PRDM16: variants seen among roughly 807,000 people sequenced by gnomAD.
PRDM16 encodes the protein PR/SET domain 16, also known as histone-lysine N-methyltransferase PRDM16.
Under a neutral mutation model 110.6 loss-of-function variants are expected in PRDM16, and 23 were observed. The observed-to-expected ratio is 0.21, with a 90% CI of 0.15 to 0.29. The LOEUF is 0.29. Ranked by LOEUF, PRDM16 falls within the 10% of genes least tolerant of loss-of-function variation. The pLI is 1.00. For synonymous variants in PRDM16, 799 were observed against 781.8 expected, an observed-to-expected ratio of 1.02 and a Z score of -0.37; for missense variants, 1,615 against 1,794.3, an observed-to-expected ratio of 0.90 and a Z score of 1.81.
rs34858929 is a variant in PRDM16, at chr1:3,157,422, T to TAAAAAAA, written c.38-28689_38-28683dup. The stretch of plus-strand genomic sequence containing the variant: ...GCTCCCAGGCCTTTTGCGATCCCAT[T>TAAAAAAA]AAAAAAAAAAAAAAAAAAAACACCT... On this transcript the variant is annotated intron_variant, in intron 1 of 16. Transcript: ENST00000270722. This position sits in a 1 kb window ranked among gnomAD's most constrained non-coding sequence, Gnocchi z 4.8. 1.6e-4 allele frequency among the ~76,000 whole-genome samples: 19 copies of TAAAAAAA among 122,144 alleles called. No individual in the cohort carries two copies. The highest frequency in any genetic ancestry group is 2.2e-4 in the African/African-American group (7 of 31,484). 80.1% of individuals were successfully genotyped at this position (122,144 alleles called of 152,430 possible). A position where few individuals can be genotyped will look rare whatever the true frequency, so the allele number is the denominator to read the frequency against.
At position 3,386,142 on chromosome 1, in the gene PRDM16, TCGGGGTGCC is replaced by T. The variant is rs150469329; in HGVS notation, c.573+872_573+880del. 8.2e-3 allele frequency among the ~76,000 whole-genome samples: 1,248 copies of T among 151,486 alleles called. 13 individuals carry two copies. The highest frequency in any genetic ancestry group is 0.028 in the African/African-American group (1,164 of 41,416). Reference sequence around the variant, plus strand: ...CTGCATCCTGAACACCGTGCGTTCCTCGGGGTGCCCGGGGTGCCCGGGGTCCCCGGCCCC... The same window carrying T: ...CTGCATCCTGAACACCGTGCGTTCCTCGGGGTGCCCGGGGTCCCCGGCCCC... On this transcript the variant is annotated intron_variant, in intron 4 of 16. Coordinates refer to ENST00000270722, the MANE Select transcript of PRDM16 (RefSeq NM_022114.4).
chr1:3,312,298 T>C (rs1445286939), intron 3 of PRDM16, among the ~76,000 whole-genome samples: 2 of 152,192 alleles, frequency 1.3e-5, no homozygotes, highest in African/African-American at 4.8e-5. Flanking sequence ...AGCCCAGCAC[T>C]CAGCGGCCTG....
chr1:3,405,727 C>T, intron 8 of PRDM16, 79 bp downstream of exon 8: 1 of 1,411,494 alleles, frequency 7.1e-7, no homozygotes, highest in South Asian at 1.5e-5. Flanking sequence ...GGGCCATCCC[C>T]CAAGGTCTCC....
intron 11 of PRDM16, among the ~76,000 whole-genome samples, chr1:3,418,407 C>T (rs1297293702): frequency 8.5e-5 from 13 of 152,198 alleles, no homozygotes; most frequent in Non-Finnish European, 4.4e-5. Flanking sequence ...GGAGCCTGCC[C>T]TGTTCACCGC....
intron 2 of PRDM16, among the ~76,000 whole-genome samples, chr1:3,233,585 G>A (rs1639468830): frequency 2.0e-5 from 3 of 152,208 alleles, no homozygotes; most frequent in Admixed American, 2.0e-4. Flanking sequence ...TGTGAGTGCG[G>A]CCAGCCTGGC....
At chr1:3,156,956 G>A (rs951121583) in intron 1 of PRDM16, among the ~76,000 whole-genome samples, 15 of 152,228 alleles carry the variant, frequency 9.9e-5, no homozygotes, top group African/African-American at 2.4e-4. Context: ...GTGTCAGGAC[G>A]GAGGGTGCTG....
At chr1:3,233,723 G>A (rs1639473189) in intron 2 of PRDM16, among the ~76,000 whole-genome samples, 1 of 152,196 alleles carries the variant, frequency 6.6e-6, no homozygotes, top group Non-Finnish European at 1.5e-5. Flanking sequence ...AATGATGAAT[G>A]AAGAGGGCAG....
At chr1:3,404,930 G>A (rs376417779) in intron 7 of PRDM16, 44 bp downstream of exon 7, 29 of 1,589,690 alleles carry the variant, frequency 1.8e-5, no homozygotes, top group Admixed American at 3.7e-5. Flanking sequence ...GGCAGCAGGA[G>A]GCTGCAGACG....
intron 3 of PRDM16, among the ~76,000 whole-genome samples, chr1:3,377,079 CGTGTGCGCAT>C (rs1189821787): frequency 6.6e-6 from 1 of 152,246 alleles, no homozygotes. Flanking sequence ...TGTGTGCGCA[CGTGTGCGCAT>C]GTGCCTATGA....
intron 2 of PRDM16, 99 bp downstream of exon 2, chr1:3,186,573 G>A: frequency 2.6e-6 from 2 of 757,226 alleles, no homozygotes; most frequent in Non-Finnish European, 4.1e-6. Context: ...GAGGCGGGAG[G>A]CGCGGCCAGA....
intron 8 of PRDM16, among the ~76,000 whole-genome samples, chr1:3,409,296 G>A (rs1049931245): frequency 2.6e-5 from 4 of 152,082 alleles, no homozygotes; most frequent in African/African-American, 9.6e-5. Flanking sequence ...GTGCCTCCCC[G>A]AGGGCCAGGT....
At chr1:3,377,938 A>G (rs752743830) in intron 3 of PRDM16, among the ~76,000 whole-genome samples, 23 of 152,190 alleles carry the variant, frequency 1.5e-4, no homozygotes, top group Non-Finnish European at 2.8e-4. Flanking sequence ...CCCAGGCCTC[A>G]GGCCTGCCCC....
chr1:3,275,655 C>T (rs1237153004), intron 3 of PRDM16, among the ~76,000 whole-genome samples: 2 of 152,208 alleles, frequency 1.3e-5, no homozygotes, highest in Admixed American at 1.3e-4. Flanking sequence ...CTCCAGTTCC[C>T]TCAAGAACTC....
chr1:3,411,256 A>T, intron 8 of PRDM16, 128 bp from the exon 9 acceptor site: 1 of 916,136 alleles, frequency 1.1e-6, no homozygotes, highest in Non-Finnish European at 1.7e-6. Flanking sequence ...ATGCACCCAG[A>T]CAGACTGCTT....
intron 2 of PRDM16, among the ~76,000 whole-genome samples, chr1:3,236,984 G>A (rs937456316): frequency 1.3e-5 from 2 of 152,166 alleles, no homozygotes; most frequent in Admixed American, 6.5e-5. Flanking sequence ...CTAGCAAAGG[G>A]AGGAAGCTGG....
chr1:3,215,703 G>A lies in PRDM16; in HGVS notation c.388-28384G>A, dbSNP rs533792126. 7.6e-4 allele frequency among the ~76,000 whole-genome samples: 116 copies of A among 152,278 alleles called. 1 individual carries two copies. Among genetic ancestry groups the A allele is most frequent in the Non-Finnish European group, 8.5e-4 (58 of 68,020 alleles). On this transcript the variant is annotated intron_variant, in intron 2 of 16. Coordinates refer to ENST00000270722, the MANE Select transcript of PRDM16 (RefSeq NM_022114.4). ...CCTTTCCCACTGGGCGTGGAGGGAC[G>A]GCCGTGGCCTTCCCCTGCCAGCCCC...
rs1569620526 is a variant in PRDM16, at chr1:3,124,870, C to T, written c.37+55574C>T. The stretch of plus-strand genomic sequence containing the variant: ...TCCACAGCCCCCTCCCTGCTCCCAT[C>T]CGGGCAGCCCTGTGGGAAGTAGGCT... On this transcript the variant is annotated intron_variant, in intron 1 of 16. Transcript: ENST00000270722. Among the ~76,000 whole-genome samples the T allele has an allele frequency of 2.6e-5, 4 of 151,966 alleles. 1 individual carries two copies. The South Asian group carries it at 8.3e-4, about 32-fold the overall frequency.
chr1:3,101,317 A>G (rs564415449), intron 1 of PRDM16, among the ~76,000 whole-genome samples: 1 of 152,296 alleles, frequency 6.6e-6, no homozygotes, highest in African/African-American at 2.4e-5. Flanking sequence ...GAGGCAGTGC[A>G]TTGTCTAGGG....
chr1:3,389,747 G>A (rs1421186764), intron 4 of PRDM16, among the ~76,000 whole-genome samples: 7 of 152,366 alleles, frequency 4.6e-5, no homozygotes, highest in African/African-American at 9.6e-5. Context: ...CTGGGGAGCT[G>A]CTGGGAGCAA....
Sources: gnomAD v4.1 joint callset for allele counts (sites outside exome capture counted in the v4.1 genomes callset) on GRCh38, gnomAD v4.1.1 for gene constraint, Gnocchi (gnomAD v3.1) non-coding constraint, MANE v1.5 for transcripts, NCBI Gene and HGNC (gene_info 2026-07-23, HGNC 2026-07-21) for gene names.